The following PTPRD variants were observed in gnomAD, a reference collection of about 807,000 sequenced individuals.
The protein encoded by PTPRD is receptor-type tyrosine-protein phosphatase delta.
Under a neutral mutation model 214.5 loss-of-function variants are expected in PTPRD, and 34 were observed. The observed-to-expected ratio is 0.16, with a 90% CI of 0.12 to 0.21. PTPRD has a LOEUF of 0.21. Among genes scored for constraint, PTPRD ranks in the 10% least tolerant of loss-of-function variants. The pLI is 1.00. For synonymous variants in PTPRD, 1,128 were observed against 845.7 expected (o/e 1.33, Z -5.79); for missense variants, 2,545 against 2,398.7 (o/e 1.06, Z -1.27).
At chr9:8,768,480 G>T (rs2094936886) in intron 11 of PTPRD, among the ~76,000 whole-genome samples, 1 of 152,176 alleles carries the variant, frequency 6.6e-6, no homozygotes, top group African/African-American at 2.4e-5. Context: ...CTTGAGCCCA[G>T]AGGAGGAGGC....
intron 12 of PTPRD, among the ~76,000 whole-genome samples, chr9:8,726,839 C>T (rs142283871): frequency 0.012 from 1,785 of 147,074 alleles, 37 homozygotes; most frequent in African/African-American, 0.042. Flanking sequence ...AGCATGGTGG[C>T]GCGTGCCTGT....
intron 3 of PTPRD, among the ~76,000 whole-genome samples, chr9:10,245,220 A>G (rs1400391089): frequency 6.6e-6 from 1 of 152,140 alleles, no homozygotes; most frequent in Non-Finnish European, 1.5e-5. Context: ...AGGATAGATT[A>G]GTCATATGTT....
intron 9 of PTPRD, among the ~76,000 whole-genome samples, chr9:9,212,329 G>A (rs749326735): frequency 5.3e-5 from 8 of 152,204 alleles, no homozygotes; most frequent in Non-Finnish European, 8.8e-5. Flanking sequence ...AATGTCTCCT[G>A]CCACCCCTAG....
chr9:8,888,317 G>T (rs148460337), intron 11 of PTPRD, among the ~76,000 whole-genome samples: 1 of 152,068 alleles, frequency 6.6e-6, no homozygotes, highest in Admixed American at 6.5e-5. Context: ...TTTTAAAAGT[G>T]CTTTTACATT....
chr9:8,803,964 C>T (rs1030661154), intron 11 of PTPRD, among the ~76,000 whole-genome samples: 1 of 151,628 alleles, frequency 6.6e-6, no homozygotes, highest in Non-Finnish European at 1.5e-5. Flanking sequence ...TTCCCTCCAC[C>T]CCCCCACAGA....
intron 3 of PTPRD, among the ~76,000 whole-genome samples, chr9:10,212,615 C>T (rs1440750389): frequency 6.6e-6 from 1 of 152,098 alleles, no homozygotes; most frequent in Non-Finnish European, 1.5e-5. Flanking sequence ...CATTCAGTAT[C>T]TGTGTAAAAA....
intron 2 of PTPRD, among the ~76,000 whole-genome samples, chr9:10,459,783 G>C (rs569110077): frequency 6.6e-6 from 1 of 151,340 alleles, no homozygotes; most frequent in African/African-American, 2.4e-5. Flanking sequence ...TAAGTTCCTT[G>C]TGGATTCTGG....
chr9:9,358,785 C>G (rs1162066687), intron 9 of PTPRD, among the ~76,000 whole-genome samples: 1 of 151,306 alleles, frequency 6.6e-6, no homozygotes, highest in East Asian at 1.9e-4. Flanking sequence ...CCTTTACATT[C>G]TGAATAACAA....
intron 14 of PTPRD, among the ~76,000 whole-genome samples, chr9:8,557,435 C>CAT (rs34006120): frequency 0.25 from 32,861 of 133,312 alleles, 4,462 homozygotes; most frequent in African/African-American, 0.28. Flanking sequence ...TTTGTAAATA[C>CAT]ATATATATAT....
chr9:10,132,785 C>T (rs1366456289), intron 3 of PTPRD, among the ~76,000 whole-genome samples: 1 of 152,116 alleles, frequency 6.6e-6, no homozygotes, highest in Non-Finnish European at 1.5e-5. Flanking sequence ...ATATAATCTG[C>T]ACATACAAGT....
At chr9:10,292,677 T>G (rs1026478196) in intron 3 of PTPRD, among the ~76,000 whole-genome samples, 1 of 151,944 alleles carries the variant, frequency 6.6e-6, no homozygotes, top group Non-Finnish European at 1.5e-5. Flanking sequence ...AAAACATCCC[T>G]TTTTTGTTCT....
At chr9:9,169,847 C>A (rs1569557836) in intron 10 of PTPRD, among the ~76,000 whole-genome samples, 1 of 152,132 alleles carries the variant, frequency 6.6e-6, no homozygotes, top group Non-Finnish European at 1.5e-5. Flanking sequence ...ACAACAAAGG[C>A]ACTAACTTCC....
chr9:9,254,844 T>C (rs946447775), intron 9 of PTPRD, among the ~76,000 whole-genome samples: 6 of 152,080 alleles, frequency 3.9e-5, no homozygotes, highest in Admixed American at 3.9e-4. Context: ...AGTTGTAGGA[T>C]ACCAAGCCAC....
intron 2 of PTPRD, among the ~76,000 whole-genome samples, chr9:10,534,096 A>C (rs531484332): frequency 6.6e-6 from 1 of 151,978 alleles, no homozygotes; most frequent in South Asian, 2.1e-4. Flanking sequence ...AGTTCTAAAA[A>C]ATATTTCATT....
At chr9:8,365,148 AT>A (rs1352809145) in intron 39 of PTPRD, among the ~76,000 whole-genome samples, 4 of 151,722 alleles carry the variant, frequency 2.6e-5, no homozygotes. Context: ...TAAAAAAAAA[AT>A]TAAAAAAAGA....
At chr9:10,278,694 A>T (rs1267264353) in intron 3 of PTPRD, among the ~76,000 whole-genome samples, 1 of 152,116 alleles carries the variant, frequency 6.6e-6, no homozygotes, top group African/African-American at 2.4e-5. Context: ...GAAGATAATG[A>T]TTTTTATGCC....
intron 9 of PTPRD, among the ~76,000 whole-genome samples, chr9:9,226,834 G>A (rs76457389): frequency 0.026 from 3,941 of 152,102 alleles, 152 homozygotes; most frequent in African/African-American, 0.077. Flanking sequence ...CAAATGTTGA[G>A]TGAATTAAAG....
chr9:9,856,533 G>A (rs1012688974), intron 5 of PTPRD, among the ~76,000 whole-genome samples: 3 of 151,924 alleles, frequency 2.0e-5, no homozygotes, highest in African/African-American at 7.3e-5. Context: ...AATGGCAAGA[G>A]GAGTAAAGCC....
chr9:9,686,009 T>G (rs1349846648), intron 7 of PTPRD, among the ~76,000 whole-genome samples: 1 of 151,438 alleles, frequency 6.6e-6, no homozygotes. Context: ...AATCTGGAAT[T>G]CTTAGAAGAC....
Sources: gnomAD v4.1 joint callset for allele counts (sites outside exome capture counted in the v4.1 genomes callset) on GRCh38, gnomAD v4.1.1 for gene constraint, MANE v1.5 for transcripts, NCBI Gene and HGNC (gene_info 2026-07-23, HGNC 2026-07-21) for gene names.